Variants in SDK1 observed in about 807,000 individuals in gnomAD.
SDK1 encodes the protein sidekick cell adhesion molecule 1.
Under a neutral mutation model 245.5 loss-of-function variants are expected in SDK1, and 157 were observed. That is an observed-to-expected ratio of 0.64 (90% CI 0.56 to 0.73). The LOEUF is 0.73. Ranked by LOEUF, SDK1 falls within the 30% of genes least tolerant of loss-of-function variation. The pLI is 0.00. For missense variants in SDK1, 3,583 were observed against 3,002.3 expected (o/e 1.19, Z -4.52); for synonymous variants, 1,647 against 1,278.5 (o/e 1.29, Z -6.15).
intron 44 of SDK1, 62 bp from the exon 45 acceptor site, chr7:4,265,062 C>G: frequency 1.3e-6 from 2 of 1,497,990 alleles, no homozygotes; most frequent in Non-Finnish European, 1.8e-6. Flanking sequence ...GGCCTCCTGC[C>G]CAGCACGCTC....
intron 28 of SDK1, among the ~76,000 whole-genome samples, chr7:4,136,437 C>A (rs947326325): frequency 6.6e-6 from 1 of 152,234 alleles, no homozygotes; most frequent in Non-Finnish European, 1.5e-5. Context: ...TACATAAACA[C>A]CTCTGCCGCC....
intron 1 of SDK1, among the ~76,000 whole-genome samples, chr7:3,428,794 C>CCAT (rs111573867): frequency 0.17 from 25,726 of 151,946 alleles, 3,604 homozygotes; most frequent in African/African-American, 0.39. Flanking sequence ...GATGAAAAGA[C>CCAT]CATCATTTTT....
intron 1 of SDK1, among the ~76,000 whole-genome samples, chr7:3,348,393 A>T (rs943429131): frequency 6.6e-6 from 1 of 152,214 alleles, no homozygotes; most frequent in Non-Finnish European, 1.5e-5. Context: ...AAGGAACAAA[A>T]TCATGTCATT....
intron 1 of SDK1, among the ~76,000 whole-genome samples, chr7:3,404,525 C>T (rs1281860148): frequency 3.3e-5 from 5 of 152,174 alleles, no homozygotes; most frequent in African/African-American, 1.2e-4. Context: ...TGTTAGTCTG[C>T]CCTTAGGCTT....
chr7:3,903,428 G>T (rs1221727236), intron 5 of SDK1, among the ~76,000 whole-genome samples: 1 of 152,090 alleles, frequency 6.6e-6, no homozygotes, highest in South Asian at 2.1e-4. Flanking sequence ...TTACAGGCAC[G>T]AGCCACCGCG....
intron 5 of SDK1, among the ~76,000 whole-genome samples, chr7:3,936,795 A>G (rs1446997366): frequency 1.3e-5 from 2 of 152,182 alleles, no homozygotes; most frequent in Non-Finnish European, 2.9e-5. Context: ...GCCTGCCTGG[A>G]GGAGGCGCTG....
chr7:4,113,234 C>A (rs1275842763), intron 23 of SDK1, 55 bp from the exon 24 acceptor site: 9 of 1,578,568 alleles, frequency 5.7e-6, no homozygotes, highest in Admixed American at 3.6e-5. Flanking sequence ...TGGTTTCGTT[C>A]TTTTCCTTCT....
chr7:3,859,569 G>A (rs1236506533), intron 5 of SDK1, among the ~76,000 whole-genome samples: 1 of 152,120 alleles, frequency 6.6e-6, no homozygotes, highest in African/African-American at 2.4e-5. Flanking sequence ...AACCAAGATG[G>A]CAGCTGGCAG....
intron 1 of SDK1, among the ~76,000 whole-genome samples, chr7:3,482,506 G>A (rs1037457800): frequency 3.3e-5 from 5 of 152,166 alleles, no homozygotes; most frequent in African/African-American, 4.8e-5. Flanking sequence ...AAAGGTGAAT[G>A]AGAAAGAAAT....
intron 1 of SDK1, among the ~76,000 whole-genome samples, chr7:3,449,641 G>T (rs1219920428): frequency 6.6e-6 from 1 of 152,154 alleles, no homozygotes; most frequent in African/African-American, 2.4e-5. Context: ...ACATTCCTAG[G>T]ATAGAATAAC....
chr7:3,956,594 T>G (rs1049629219), intron 7 of SDK1, among the ~76,000 whole-genome samples: 7 of 152,310 alleles, frequency 4.6e-5, no homozygotes, highest in Middle Eastern at 3.4e-3. Context: ...TTTCCACCCA[T>G]GCCTAGCACT....
chr7:3,321,552 T>TC (rs2128547365), intron 1 of SDK1, among the ~76,000 whole-genome samples: 1 of 152,308 alleles, frequency 6.6e-6, no homozygotes, highest in South Asian at 2.1e-4. Context: ...TGTGTTTTTT[T>TC]CCCCAACAGT....
intron 1 of SDK1, among the ~76,000 whole-genome samples, chr7:3,501,262 C>T (rs1415651424): frequency 6.6e-6 from 1 of 151,876 alleles, no homozygotes; most frequent in Non-Finnish European, 1.5e-5. Flanking sequence ...GATTAGATTC[C>T]TTAGGGAAGA....
chr7:3,597,460 A>G (rs1256967134), intron 1 of SDK1, among the ~76,000 whole-genome samples: 1 of 152,082 alleles, frequency 6.6e-6, no homozygotes, highest in Non-Finnish European at 1.5e-5. Context: ...GTTTTGTAAG[A>G]TAGAAACAGG....
intron 1 of SDK1, among the ~76,000 whole-genome samples, chr7:3,417,906 G>A (rs531939054): frequency 6.6e-6 from 1 of 152,164 alleles, no homozygotes; most frequent in South Asian, 2.1e-4. Context: ...TGGTGGGGAC[G>A]GAAGTGAGTT....
intron 4 of SDK1, among the ~76,000 whole-genome samples, chr7:3,763,425 C>T (rs1170165351): frequency 6.6e-6 from 1 of 152,084 alleles, no homozygotes; most frequent in Non-Finnish European, 1.5e-5. Flanking sequence ...GATTCTGCAA[C>T]GAACATTTTG....
chr7:3,309,022 AAT>A (rs926811746), intron 1 of SDK1, among the ~76,000 whole-genome samples: 1 of 152,112 alleles, frequency 6.6e-6, no homozygotes, highest in Non-Finnish European at 1.5e-5. Context: ...GGCTAATTAG[AAT>A]ATATTTCAGT....
intron 5 of SDK1, among the ~76,000 whole-genome samples, chr7:3,874,523 C>G (rs977665037): frequency 6.6e-6 from 1 of 152,136 alleles, no homozygotes; most frequent in East Asian, 1.9e-4. Flanking sequence ...GACAAGTGTT[C>G]CTGCTCCTTC....
intron 1 of SDK1, among the ~76,000 whole-genome samples, chr7:3,378,978 G>T (rs1399750367): frequency 6.6e-6 from 1 of 152,100 alleles, no homozygotes; most frequent in East Asian, 1.9e-4. Context: ...ACGAGGACTT[G>T]CTCAGCTCTT....
Sources: gnomAD v4.1 joint callset for allele counts (sites outside exome capture counted in the v4.1 genomes callset) on GRCh38, gnomAD v4.1.1 for gene constraint, MANE v1.5 for transcripts, NCBI Gene and HGNC (gene_info 2026-07-23, HGNC 2026-07-21) for gene names.